THADA: variants seen among roughly 807,000 people sequenced by gnomAD.
THADA encodes tRNA (32-2'-O)-methyltransferase regulator THADA.
A neutral mutation model predicts 219.8 loss-of-function variants in THADA; 213 were observed. The observed-to-expected ratio is 0.97, with a 90% CI of 0.87 to 1.09. THADA has a LOEUF of 1.09. Ranked by LOEUF, THADA falls within the 50% of genes least tolerant of loss-of-function variation. The pLI, the probability that THADA is intolerant of heterozygous loss-of-function variation, is 0.00. For missense variants in THADA, 2,956 were observed against 2,311.3 expected (o/e 1.28, Z -5.72); for synonymous variants, 1,018 against 828.9 (o/e 1.23, Z -3.92).
intron 31 of THADA, among the ~76,000 whole-genome samples, chr2:43,294,115 C>A (rs1259659808): frequency 6.6e-6 from 1 of 151,948 alleles, no homozygotes. Flanking sequence ...TATTTTAAGC[C>A]CAAGTATATC....
intron 36 of THADA, among the ~76,000 whole-genome samples, chr2:43,264,648 C>T (rs1382930577): frequency 6.6e-6 from 1 of 152,114 alleles, no homozygotes; most frequent in Non-Finnish European, 1.5e-5. Context: ...TTCAAAGAGA[C>T]TCAGTGCTGT....
intron 16 of THADA, among the ~76,000 whole-genome samples, chr2:43,558,274 T>C (rs185658493): frequency 2.0e-5 from 3 of 152,282 alleles, no homozygotes; most frequent in Middle Eastern, 3.4e-3. Context: ...GAGATCAGGT[T>C]AGCATTCAAA....
intron 31 of THADA, among the ~76,000 whole-genome samples, chr2:43,306,075 G>A (rs6719534): frequency 0.51 from 77,609 of 151,024 alleles, 20,525 homozygotes; most frequent in Middle Eastern, 0.67. Context: ...CAGCCTTCCC[G>A]GGCTCAGGAA....
chr2:43,408,037 A>T (rs992168549), intron 28 of THADA, among the ~76,000 whole-genome samples: 1 of 152,216 alleles, frequency 6.6e-6, no homozygotes, highest in Non-Finnish European at 1.5e-5. Flanking sequence ...GGTAGTCTAA[A>T]TATGTTTCCT....
At chr2:43,593,845 G>A (rs1701850223) in intron 1 of THADA, among the ~76,000 whole-genome samples, 1 of 152,050 alleles carries the variant, frequency 6.6e-6, no homozygotes, top group Non-Finnish European at 1.5e-5. Context: ...ATGTTAGCCA[G>A]GATGGTCTCG....
chr2:43,382,451 T>C (rs1672155517), intron 29 of THADA, among the ~76,000 whole-genome samples: 1 of 152,196 alleles, frequency 6.6e-6, no homozygotes, highest in Non-Finnish European at 1.5e-5. Context: ...AAATCAGATA[T>C]ATGTTCTTTA....
At chr2:43,303,618 CTT>C in intron 31 of THADA, among the ~76,000 whole-genome samples, 1 of 151,010 alleles carries the variant, frequency 6.6e-6, no homozygotes, top group African/African-American at 2.4e-5. Flanking sequence ...ATCTAAATAG[CTT>C]TAACAAGGGC....
intron 29 of THADA, among the ~76,000 whole-genome samples, chr2:43,357,613 T>C (rs1669014303): frequency 6.6e-6 from 1 of 152,198 alleles, no homozygotes; most frequent in East Asian, 1.9e-4. Context: ...TAGGAAAGTT[T>C]AGAAATGACC....
chr2:43,508,805 T>A (rs772130009), intron 22 of THADA, 25 bp from the exon 23 acceptor site: 5 of 1,609,374 alleles, frequency 3.1e-6, no homozygotes, highest in Non-Finnish European at 4.2e-6. Flanking sequence ...TAATCAAATA[T>A]TCGGAATTAG....
intron 4 of THADA, among the ~76,000 whole-genome samples, chr2:43,587,639 A>G (rs967848249): frequency 1.3e-5 from 2 of 152,184 alleles, no homozygotes; most frequent in Non-Finnish European, 2.9e-5. Context: ...TGACCATAAT[A>G]TTTTAAATTG....
intron 37 of THADA, among the ~76,000 whole-genome samples, chr2:43,232,011 T>C (rs1229934117): frequency 6.6e-6 from 1 of 151,642 alleles, no homozygotes; most frequent in African/African-American, 2.4e-5. Context: ...AGGGGGCTAA[T>C]AATAGTTTTC....
intron 29 of THADA, among the ~76,000 whole-genome samples, chr2:43,367,990 C>G (rs902811469): frequency 1.3e-5 from 2 of 152,044 alleles, no homozygotes; most frequent in Non-Finnish European, 2.9e-5. Flanking sequence ...TGGTGGCAAG[C>G]ACCTGTAATC....
intron 26 of THADA, among the ~76,000 whole-genome samples, chr2:43,445,109 G>T (rs1681352483): frequency 6.6e-6 from 1 of 152,070 alleles, no homozygotes; most frequent in Non-Finnish European, 1.5e-5. Context: ...CCACAAGAGA[G>T]AAATCATCTA....
intron 26 of THADA, among the ~76,000 whole-genome samples, chr2:43,460,598 A>T (rs781452763): frequency 1.3e-5 from 2 of 152,178 alleles, no homozygotes; most frequent in Non-Finnish European, 2.9e-5. Flanking sequence ...TATATATTAA[A>T]CATTATGTTA....
chr2:43,295,818 CA>C (rs1020145217), intron 31 of THADA, among the ~76,000 whole-genome samples: 2 of 151,686 alleles, frequency 1.3e-5, no homozygotes, highest in African/African-American at 4.8e-5. Flanking sequence ...CAAATTGTTT[CA>C]AAGTCTGTCA....
chr2:43,331,713 G>GT (rs1178945864), intron 30 of THADA, among the ~76,000 whole-genome samples: 1 of 152,004 alleles, frequency 6.6e-6, no homozygotes, highest in Non-Finnish European at 1.5e-5. Context: ...CCACTTTTTG[G>GT]TGTTTCCAAA....
chr2:43,474,122 C>A (rs760946978), intron 26 of THADA, among the ~76,000 whole-genome samples: 2 of 152,164 alleles, frequency 1.3e-5, no homozygotes, highest in Non-Finnish European at 2.9e-5. Context: ...AGAGGCATAT[C>A]ATCAATACTG....
intron 22 of THADA, among the ~76,000 whole-genome samples, chr2:43,514,685 T>A (rs1191317065): frequency 5.6e-5 from 4 of 71,074 alleles, no homozygotes; most frequent in Non-Finnish European, 7.3e-5. Context: ...TATATTATAT[T>A]ATATATAATA....
intron 36 of THADA, among the ~76,000 whole-genome samples, chr2:43,262,393 A>G (rs776845399): frequency 2.0e-5 from 3 of 152,118 alleles, no homozygotes; most frequent in African/African-American, 7.3e-5. Context: ...GACCTTGAGG[A>G]TGGAAGCCAC....
Sources: allele counts gnomAD v4.1 joint callset (sites outside exome capture counted in the v4.1 genomes callset), GRCh38; gene constraint gnomAD v4.1.1; transcripts MANE v1.5; gene names NCBI Gene and HGNC (gene_info 2026-07-23, HGNC 2026-07-21).